ATG10: variants seen among roughly 807,000 people sequenced by gnomAD.
ATG10 encodes ubiquitin-like-conjugating enzyme ATG10.
In ATG10, 30 loss-of-function variants were observed where a neutral mutation model predicts 32.1. That is an observed-to-expected ratio of 0.94 (90% CI 0.70 to 1.27). The LOEUF (loss-of-function observed/expected upper bound fraction) is 1.27. ATG10 is among the 50% of genes most tolerant of loss of function. ATG10 has a pLI of 0.00. For synonymous variants in ATG10, 87 were observed against 91.5 expected (o/e 0.95, Z 0.28); for missense variants, 233 against 262.3 (o/e 0.89, Z 0.77).
At chr5:82,072,698 G>A in intron 3 of ATG10, among the ~76,000 whole-genome samples, 1 of 152,072 alleles carries the variant, frequency 6.6e-6, no homozygotes, top group East Asian at 1.9e-4. Flanking sequence ...AGGACCAAAA[G>A]TGTCTTATTG....
At chr5:82,201,049 T>C (rs983216156) in intron 5 of ATG10, among the ~76,000 whole-genome samples, 2 of 151,890 alleles carry the variant, frequency 1.3e-5, no homozygotes, top group Non-Finnish European at 2.9e-5. Flanking sequence ...CATACCTGGC[T>C]AATTTTTGCA....
At chr5:82,005,826 C>CT (rs1761973829) in intron 2 of ATG10, among the ~76,000 whole-genome samples, 1 of 152,096 alleles carries the variant, frequency 6.6e-6, no homozygotes. Context: ...AAATATCCTA[C>CT]TTTCTTGAGA....
At chr5:81,979,100 A>T (rs768904546) in intron 1 of ATG10, among the ~76,000 whole-genome samples, 1 of 152,026 alleles carries the variant, frequency 6.6e-6, no homozygotes, top group Non-Finnish European at 1.5e-5. Flanking sequence ...GGATTTTGCC[A>T]TGTTTGCCAG....
intron 5 of ATG10, among the ~76,000 whole-genome samples, chr5:82,220,703 C>T (rs1402316559): frequency 2.0e-5 from 3 of 150,612 alleles, no homozygotes; most frequent in Non-Finnish European, 4.4e-5. Flanking sequence ...GATCTTGGCT[C>T]TCTGCAAGCT....
chr5:82,173,501 C>T (rs1332976597), intron 4 of ATG10, among the ~76,000 whole-genome samples: 1 of 152,144 alleles, frequency 6.6e-6, no homozygotes, highest in East Asian at 1.9e-4. Context: ...ATTCCATTAG[C>T]TTAAATGTGT....
chr5:82,072,719 C>T (rs1005832337), intron 3 of ATG10, among the ~76,000 whole-genome samples: 3 of 152,090 alleles, frequency 2.0e-5, no homozygotes, highest in African/African-American at 7.2e-5. Flanking sequence ...GACACAAGAT[C>T]TTTTTAAATA....
chr5:82,040,255 C>A (rs1194152286), intron 2 of ATG10, among the ~76,000 whole-genome samples: 1 of 152,126 alleles, frequency 6.6e-6, no homozygotes, highest in Non-Finnish European at 1.5e-5. Flanking sequence ...TAATTTGCTA[C>A]AGTTATTAAT....
chr5:82,130,662 C>T (rs1581720255), intron 3 of ATG10, among the ~76,000 whole-genome samples: 1 of 152,088 alleles, frequency 6.6e-6, no homozygotes, highest in Non-Finnish European at 1.5e-5. Context: ...GGCTAGCCCT[C>T]CGTGGGCTGC....
intron 2 of ATG10, among the ~76,000 whole-genome samples, chr5:82,053,537 G>A (rs1763492818): frequency 6.6e-6 from 1 of 151,920 alleles, no homozygotes; most frequent in African/African-American, 2.4e-5. Flanking sequence ...AAAAATATGT[G>A]TTCTCCTATA....
intron 3 of ATG10, among the ~76,000 whole-genome samples, chr5:82,058,948 C>G (rs1371575071): frequency 1.3e-5 from 2 of 152,132 alleles, no homozygotes; most frequent in Non-Finnish European, 2.9e-5. Context: ...TCTCTTGGAC[C>G]TGAATACCAC....
intron 5 of ATG10, among the ~76,000 whole-genome samples, chr5:82,243,529 A>G (rs899935661): frequency 1.3e-5 from 2 of 152,268 alleles, no homozygotes; most frequent in South Asian, 2.1e-4. Context: ...CTATATTAAT[A>G]TCAGGTAAGA....
intron 2 of ATG10, among the ~76,000 whole-genome samples, chr5:82,041,606 T>G (rs1415534247): frequency 6.6e-6 from 1 of 152,194 alleles, no homozygotes; most frequent in Non-Finnish European, 1.5e-5. Flanking sequence ...ACATATAGTA[T>G]GTAAAACACA....
At chr5:81,984,684 CAT>C (rs1435583967) in intron 1 of ATG10, among the ~76,000 whole-genome samples, 4 of 152,194 alleles carry the variant, frequency 2.6e-5, no homozygotes, top group African/African-American at 9.7e-5. Context: ...TCATCCATCT[CAT>C]AGGAAGTTCT....
chr5:82,129,625 T>A (rs989598035), intron 3 of ATG10, among the ~76,000 whole-genome samples: 1 of 152,164 alleles, frequency 6.6e-6, no homozygotes, highest in Non-Finnish European at 1.5e-5. Flanking sequence ...TGCTGGAGTT[T>A]CCTGGAGGTC....
intron 5 of ATG10, among the ~76,000 whole-genome samples, chr5:82,244,016 T>C (rs1746916641): frequency 6.6e-6 from 1 of 152,154 alleles, no homozygotes; most frequent in African/African-American, 2.4e-5. Context: ...GTAGGGACTA[T>C]CACATAGTAG....
intron 3 of ATG10, among the ~76,000 whole-genome samples, chr5:82,135,770 TC>T (rs1160307129): frequency 6.6e-5 from 10 of 152,204 alleles, no homozygotes; most frequent in Admixed American, 6.5e-4. Context: ...GTCCTGAATA[TC>T]CTTGTTAATT....
intron 3 of ATG10, among the ~76,000 whole-genome samples, chr5:82,086,404 G>A (rs1349831963): frequency 6.6e-6 from 1 of 152,102 alleles, no homozygotes; most frequent in Non-Finnish European, 1.5e-5. Flanking sequence ...AAGTAAATTA[G>A]TATAGTAATA....
chr5:81,983,859 C>T (rs1761160834), intron 1 of ATG10, among the ~76,000 whole-genome samples: 1 of 151,858 alleles, frequency 6.6e-6, no homozygotes, highest in Non-Finnish European at 1.5e-5. Context: ...CCTCACATCC[C>T]AGACGGGGCA....
intron 5 of ATG10, among the ~76,000 whole-genome samples, chr5:82,230,812 A>G (rs1561369633): frequency 6.6e-6 from 1 of 151,666 alleles, no homozygotes; most frequent in Non-Finnish European, 1.5e-5. Context: ...AATATCCATT[A>G]TGATATATTA....
Sources: allele counts gnomAD v4.1 joint callset (sites outside exome capture counted in the v4.1 genomes callset), GRCh38; gene constraint gnomAD v4.1.1; transcripts MANE v1.5; gene names NCBI Gene and HGNC (gene_info 2026-07-23, HGNC 2026-07-21).